Variants in FERRY3 observed in about 807,000 individuals in gnomAD.
FERRY3 encodes the protein FERRY endosomal RAB5 effector complex subunit 3.
the FERRY3 span, among the ~76,000 whole-genome samples, chr12:4,499,851 AAGG>A: frequency 2.0e-5 from 3 of 152,268 alleles, no homozygotes; most frequent in African/African-American, 4.8e-5. Flanking sequence ...GGAGGAAAAA[AAGG>A]AGGAGAAAGA....
At chr12:4,524,216 A>G in the FERRY3 span, among the ~76,000 whole-genome samples, 1 of 152,192 alleles carries the variant, frequency 6.6e-6, no homozygotes, top group Non-Finnish European at 1.5e-5. Flanking sequence ...ACATTCATTT[A>G]TAGAAAGCTT....
chr12:4,513,363 T>A, the FERRY3 span, among the ~76,000 whole-genome samples: 1 of 152,168 alleles, frequency 6.6e-6, no homozygotes, highest in Non-Finnish European at 1.5e-5. Flanking sequence ...AAGCTACCAA[T>A]GACTTTCTTC....
At chr12:4,500,490 A>G in the FERRY3 span, 4 of 665,650 alleles carry the variant, frequency 6.0e-6, no homozygotes, top group Non-Finnish European at 1.0e-5. Context: ...AGCAACTGTG[A>G]TTACTGCTCT....
At chr12:4,517,684 A>AATATATAT in the FERRY3 span, among the ~76,000 whole-genome samples, 406 of 140,506 alleles carry the variant, frequency 2.9e-3, 1 homozygote, top group African/African-American at 0.01. Flanking sequence ...AGGTTATTAA[A>AATATATAT]ATATATATAT....
the FERRY3 span, among the ~76,000 whole-genome samples, chr12:4,510,056 T>A: frequency 2.2e-5 from 3 of 138,492 alleles, no homozygotes; most frequent in Admixed American, 6.9e-5. Flanking sequence ...TTAAAGGAGC[T>A]GATGGAGCTG....
the FERRY3 span, among the ~76,000 whole-genome samples, chr12:4,511,733 C>T: frequency 1.4e-5 from 2 of 146,922 alleles, no homozygotes. Flanking sequence ...GGGACGCATT[C>T]AAAGCAGTGT....
At chr12:4,500,863 G>C in the FERRY3 span, among the ~76,000 whole-genome samples, 7 of 152,202 alleles carry the variant, frequency 4.6e-5, no homozygotes, top group Non-Finnish European at 8.8e-5. Context: ...ATGTTGGCTA[G>C]GATGGCCTCC....
the FERRY3 span, among the ~76,000 whole-genome samples, chr12:4,508,473 A>G: frequency 6.6e-6 from 1 of 152,226 alleles, no homozygotes; most frequent in African/African-American, 2.4e-5. Flanking sequence ...TGCCAGGTGC[A>G]GTGGCTCATG....
At chr12:4,521,316 G>A in the FERRY3 span, among the ~76,000 whole-genome samples, 4 of 152,184 alleles carry the variant, frequency 2.6e-5, no homozygotes, top group South Asian at 2.1e-4. Context: ...CCAAGATCGC[G>A]GCATTGTAGG....
chr12:4,497,408 A>C, the FERRY3 span, among the ~76,000 whole-genome samples: 168 of 152,274 alleles, frequency 1.1e-3, 2 homozygotes, highest in African/African-American at 3.9e-3. Context: ...GTCATGTTCC[A>C]TTTCATCATC....
the FERRY3 span, among the ~76,000 whole-genome samples, chr12:4,517,706 T>TATATATATATAGAGAGAGAGAGAGAG: frequency 7.3e-6 from 1 of 137,724 alleles, no homozygotes; most frequent in African/African-American, 3.0e-5. Context: ...TATATATATA[T>TATATATATATAGAGAGAGAGAGAGAG]AGACAGAGAG....
the FERRY3 span, chr12:4,489,776 A>G: frequency 2.0e-6 from 3 of 1,473,962 alleles, no homozygotes; most frequent in South Asian, 1.2e-5. Context: ...TTTAACAATC[A>G]TCTTCTGCCA....
chr12:4,522,647 A>C, the FERRY3 span, among the ~76,000 whole-genome samples: 1 of 152,258 alleles, frequency 6.6e-6, no homozygotes, highest in East Asian at 1.9e-4. Flanking sequence ...CATATGACCA[A>C]GCAATCCCAT....
At chr12:4,501,570 A>T in the FERRY3 span, among the ~76,000 whole-genome samples, 1,982 of 152,222 alleles carry the variant, frequency 0.013, 46 homozygotes, top group African/African-American at 0.045. Flanking sequence ...CACGAACCCT[A>T]TTGTGAACTG....
chr12:4,510,994 C>T, the FERRY3 span, among the ~76,000 whole-genome samples: 1 of 151,446 alleles, frequency 6.6e-6, no homozygotes, highest in Non-Finnish European at 1.5e-5. Flanking sequence ...TCAGGAAACC[C>T]ATCTCAGGTG....
At chr12:4,517,221 A>T in the FERRY3 span, 2 of 1,497,254 alleles carry the variant, frequency 1.3e-6, no homozygotes, top group Non-Finnish European at 1.8e-6. Flanking sequence ...CAAACTTCTA[A>T]ATGCGAACTA....
At chr12:4,494,494 A>C in the FERRY3 span, among the ~76,000 whole-genome samples, 1 of 152,178 alleles carries the variant, frequency 6.6e-6, no homozygotes, top group African/African-American at 2.4e-5. Context: ...ATCCATTTTA[A>C]ATTAATTTTT....
the FERRY3 span, among the ~76,000 whole-genome samples, chr12:4,514,861 A>G: frequency 6.6e-6 from 1 of 152,152 alleles, no homozygotes; most frequent in African/African-American, 2.4e-5. Context: ...CACAATGTGC[A>G]CATGTACCCT....
the FERRY3 span, chr12:4,530,199 T>A: frequency 2.6e-5 from 18 of 682,012 alleles, no homozygotes; most frequent in Non-Finnish European, 4.2e-5. Context: ...TATGTGTGTG[T>A]ATTATACAGG....
Sources: allele counts gnomAD v4.1 joint callset (sites outside exome capture counted in the v4.1 genomes callset), GRCh38; gene constraint gnomAD v4.1.1; transcripts MANE v1.5; gene names NCBI Gene and HGNC (gene_info 2026-07-23, HGNC 2026-07-21).